Variants in WWOX observed in about 807,000 individuals in gnomAD.
The protein encoded by WWOX is WW domain-containing oxidoreductase.
WWOX carries 69 observed loss-of-function variants against 46.2 expected under a neutral mutation model. The observed-to-expected ratio is 1.49, with a 90% confidence interval of 1.23 to 1.82. WWOX has a LOEUF of 1.82. Ranked by LOEUF, WWOX falls within the 40% of genes most tolerant of loss-of-function variation. The pLI is 0.00. For missense variants in WWOX, 919 were observed against 542.6 expected, an observed-to-expected ratio of 1.69 and a Z score of -6.89; for synonymous variants, 359 against 202.6, an observed-to-expected ratio of 1.77 and a Z score of -6.56.
Position 78,115,018 on chromosome 16 carries a change from G to T in WWOX, c.273G>T (p.Ala91=). 6 of 1,614,170 alleles carry T rather than the reference G, an allele frequency of 3.7e-6. No homozygotes were observed. The highest frequency in any genetic ancestry group is 3.4e-6 in the Non-Finnish European group (4 of 1,180,032). ...CCACCTACTTGGACCCAAGACTGGC[G>T]TTTACTGTGGATGATAATCCGACCA... ...KRTTYLDPRL[A]FTVDDNPTKP... is the part of the protein sequence containing the mutation. Residue 91 remains alanine (A), a synonymous_variant, in exon 4 of 9, where the codon GCG becomes GCT. Coordinates refer to ENST00000566780, the MANE Select transcript of WWOX (RefSeq NM_016373.4).
chr16:78,825,060 A>G (rs535582669), intron 8 of WWOX, among the ~76,000 whole-genome samples: 6 of 152,208 alleles, frequency 3.9e-5, no homozygotes, highest in African/African-American at 1.4e-4. Context: ...CTAGGGGAAA[A>G]TGGTAATACT....
intron 8 of WWOX, among the ~76,000 whole-genome samples, chr16:78,954,379 G>C (rs949120328): frequency 6.6e-6 from 1 of 152,094 alleles, no homozygotes; most frequent in Non-Finnish European, 1.5e-5. Flanking sequence ...TGGATGTTTG[G>C]GTGGATGAAC....
At chr16:78,819,319 T>C (rs909945623) in intron 8 of WWOX, among the ~76,000 whole-genome samples, 3 of 152,098 alleles carry the variant, frequency 2.0e-5, no homozygotes, top group Non-Finnish European at 2.9e-5. Context: ...CGGACCAAAT[T>C]GAGGACTAGC....
In WWOX at chr16:79,117,402, C is replaced by T. The variant is rs191856306; in HGVS notation, c.1057-94206C>T. Reference sequence around the variant, plus strand: ...TTCAGTAAATCATGCCATAAATAGACGTGGTCTCATCCAGGGTTTGTTATT... The same window carrying T: ...TTCAGTAAATCATGCCATAAATAGATGTGGTCTCATCCAGGGTTTGTTATT... On this transcript the variant is annotated intron_variant, in intron 8 of 8. Coordinates refer to ENST00000566780, the MANE Select transcript of WWOX (RefSeq NM_016373.4). Among the ~76,000 whole-genome samples the T allele has an allele frequency of 4.6e-5, 7 of 152,254 alleles. No individual in the cohort carries two copies. The East Asian group carries it at 5.8e-4, about 13-fold the overall frequency.
At chr16:78,546,730 C>T (rs1240509867) in intron 8 of WWOX, among the ~76,000 whole-genome samples, 2 of 152,098 alleles carry the variant, frequency 1.3e-5, no homozygotes, top group South Asian at 2.1e-4. Context: ...ACTGATTGTC[C>T]ATGAACCACA....
At chr16:78,847,447 G>C (rs1286464350) in intron 8 of WWOX, among the ~76,000 whole-genome samples, 2 of 151,992 alleles carry the variant, frequency 1.3e-5, no homozygotes, top group Non-Finnish European at 2.9e-5. Context: ...ATGTGTGTTT[G>C]TACCTAATTC....
intron 8 of WWOX, among the ~76,000 whole-genome samples, chr16:78,611,415 C>T (rs929169158): frequency 6.6e-6 from 1 of 152,136 alleles, no homozygotes; most frequent in Admixed American, 6.5e-5. Context: ...AATTGTCTAT[C>T]CTAAGGGAAT....
intron 8 of WWOX, among the ~76,000 whole-genome samples, chr16:78,852,048 G>A (rs1049416846): frequency 3.3e-5 from 5 of 152,128 alleles, no homozygotes; most frequent in African/African-American, 9.7e-5. Flanking sequence ...GACTTGAACT[G>A]GGACATGTTT....
At chr16:78,980,812 A>G (rs963199821) in intron 8 of WWOX, among the ~76,000 whole-genome samples, 1 of 152,172 alleles carries the variant, frequency 6.6e-6, no homozygotes, top group Non-Finnish European at 1.5e-5. Flanking sequence ...GGAGGAATAG[A>G]TAGGGTTATC....
chr16:78,352,195 C>G (rs773141663), intron 5 of WWOX, among the ~76,000 whole-genome samples: 1 of 152,144 alleles, frequency 6.6e-6, no homozygotes, highest in African/African-American at 2.4e-5. Flanking sequence ...TTCACAGGAG[C>G]CAGAAGTTTG....
In WWOX at chr16:78,593,362, CCTAA is replaced by C. The variant is rs571033776; in HGVS notation, c.1056+160613_1056+160616del. Among the ~76,000 whole-genome samples, 15 of 152,244 alleles carry C rather than the reference CCTAA, an allele frequency of 9.9e-5. No individual in the cohort carries two copies. The South Asian group carries it at 2.5e-3, about 25-fold the overall frequency. On this transcript the variant is annotated intron_variant, in intron 8 of 8. Transcript: ENST00000566780. ...GGCCTTGATACTGATATTTTATTGT[CCTAA>C]CTGACAGTTTTGTCTGCCCAGCATT...
chr16:78,641,021 G>A (rs1392567131), intron 8 of WWOX, among the ~76,000 whole-genome samples: 1 of 151,932 alleles, frequency 6.6e-6, no homozygotes, highest in Non-Finnish European at 1.5e-5. Flanking sequence ...GGAACCAGCT[G>A]CAAAAATTGT....
At chr16:78,995,222 C>A (rs542197770) in intron 8 of WWOX, among the ~76,000 whole-genome samples, 1 of 151,998 alleles carries the variant, frequency 6.6e-6, no homozygotes, top group Non-Finnish European at 1.5e-5. Flanking sequence ...ATACGTGATT[C>A]CAAAGCCCAT....
At chr16:78,849,292 C>G (rs965378312) in intron 8 of WWOX, among the ~76,000 whole-genome samples, 9 of 151,960 alleles carry the variant, frequency 5.9e-5, no homozygotes, top group African/African-American at 2.2e-4. Context: ...AACGACAGGC[C>G]GGGCGCGGTG....
chr16:78,651,159 C>G (rs1389162748), intron 8 of WWOX, among the ~76,000 whole-genome samples: 7 of 152,176 alleles, frequency 4.6e-5, no homozygotes, highest in African/African-American at 1.7e-4. Context: ...ACAAAGTTTT[C>G]TTATATTTTA....
At chr16:78,961,404 A>G (rs1216308999) in intron 8 of WWOX, among the ~76,000 whole-genome samples, 2 of 152,200 alleles carry the variant, frequency 1.3e-5, no homozygotes, top group African/African-American at 4.8e-5. Context: ...TGGCACAAAG[A>G]TAACACTCAG....
intron 8 of WWOX, among the ~76,000 whole-genome samples, chr16:78,821,045 C>T (rs964470917): frequency 1.3e-5 from 2 of 152,118 alleles, no homozygotes; most frequent in African/African-American, 2.4e-5. Flanking sequence ...TTGCAAAGAC[C>T]CTGTTTCCAA....
At chr16:78,117,288 T>C (rs1461680836) in intron 4 of WWOX, among the ~76,000 whole-genome samples, 1 of 152,156 alleles carries the variant, frequency 6.6e-6, no homozygotes, top group Non-Finnish European at 1.5e-5. Context: ...CACAAGGTCT[T>C]AGGGAGACCA....
At chr16:79,052,312 A>T (rs1490752812) in intron 8 of WWOX, among the ~76,000 whole-genome samples, 1 of 151,776 alleles carries the variant, frequency 6.6e-6, no homozygotes, top group Non-Finnish European at 1.5e-5. Flanking sequence ...TTCTTGCGAT[A>T]GTTTACTGAC....
Sources: allele counts gnomAD v4.1 joint callset (sites outside exome capture counted in the v4.1 genomes callset), GRCh38; gene constraint gnomAD v4.1.1; transcripts MANE v1.5; gene names NCBI Gene and HGNC (gene_info 2026-07-23, HGNC 2026-07-21).